Variants in SARS1 observed in about 807,000 individuals in gnomAD.
SARS1 encodes the protein serine--tRNA ligase, cytoplasmic.
Under a neutral mutation model 63.7 loss-of-function variants are expected in SARS1, and 25 were observed. The observed-to-expected ratio is 0.39, with a 90% CI of 0.29 to 0.55. SARS1 has a LOEUF of 0.55. Ranked by LOEUF, SARS1 falls within the 20% of genes least tolerant of loss-of-function variation. The probability of loss-of-function intolerance (pLI) is 0.62; values close to 1 mark genes in which losing one functional copy is unlikely to be tolerated. For synonymous variants in SARS1, 231 were observed against 243.5 expected, an observed-to-expected ratio of 0.95 and a Z score of 0.48; for missense variants, 417 against 649.7, an observed-to-expected ratio of 0.64 and a Z score of 3.89.
At chr1:109,216,563 C>G in intron 1 of SARS1, 1 of 985,050 alleles carries the variant, frequency 1.0e-6, no homozygotes, top group Non-Finnish European at 1.2e-6. Context: ...GAATTTTATC[C>G]TCCCTCAAAA....
chr1:109,224,179 G>A, intron 2 of SARS1, 131 bp downstream of exon 2: 1 of 695,174 alleles, frequency 1.4e-6, no homozygotes, highest in South Asian at 1.7e-5. Flanking sequence ...TACCAAAGGG[G>A]AAAATATTAT....
chr1:109,218,544 G>A (rs1489792802), intron 1 of SARS1, among the ~76,000 whole-genome samples: 1 of 151,856 alleles, frequency 6.6e-6, no homozygotes, highest in Non-Finnish European at 1.5e-5. Context: ...ATATTGGACA[G>A]TACAGCCTTA....
intron 1 of SARS1, among the ~76,000 whole-genome samples, chr1:109,221,993 T>C (rs1468335957): frequency 4.7e-4 from 7 of 14,856 alleles, no homozygotes; most frequent in African/African-American, 1.7e-3. Context: ...TATATATATA[T>C]ATATATATAT....
At chr1:109,236,621 G>T in intron 9 of SARS1, 73 bp downstream of exon 9, 1 of 1,550,118 alleles carries the variant, frequency 6.5e-7, no homozygotes, top group Non-Finnish European at 8.8e-7. Flanking sequence ...CTCAGCCTTT[G>T]GGGTGCACTG....
At chr1:109,216,133 G>A (rs926001863) in intron 1 of SARS1, 2 of 985,284 alleles carry the variant, frequency 2.0e-6, no homozygotes, top group East Asian at 2.3e-4. Flanking sequence ...GTAGACACTG[G>A]CAGATTTATA....
At position 109,226,725 on chromosome 1, in the gene SARS1, C is replaced by T. The variant is rs1421512143; in HGVS notation, c.208-1627C>T. ...ACACACACACACACACACACACACA[C>T]ACATATATATATATTTATTTATTTA... On this transcript the variant is annotated intron_variant, in intron 2 of 10. Transcript: ENST00000234677. 4.3e-4 allele frequency among the ~76,000 whole-genome samples: 22 copies of T among 51,454 alleles called. 1 individual carries two copies. Among genetic ancestry groups the T allele is most frequent in the African/African-American group, 1.1e-3 (21 of 18,716 alleles). The allele number at this position is 51,454 out of a possible 152,430, so 33.8% of individuals were successfully genotyped here. A position where few individuals can be genotyped will look rare whatever the true frequency, so the allele number is the denominator to read the frequency against.
intron 9 of SARS1, chr1:109,236,870 G>A: frequency 6.9e-6 from 11 of 1,597,952 alleles, no homozygotes; most frequent in Non-Finnish European, 9.4e-6. Flanking sequence ...CACCCAAGAA[G>A]GTCTGGGTTG....
chr1:109,229,389 A>T, intron 3 of SARS1, 25 bp from the exon 4 acceptor site: 4 of 1,610,688 alleles, frequency 2.5e-6, no homozygotes, highest in Non-Finnish European at 3.4e-6. Flanking sequence ...TGTCCTGCTT[A>T]TGGGCCTGGC....
At position 109,235,252 on chromosome 1, in the gene SARS1, G is replaced by T; in HGVS notation, c.790G>T (p.Asp264Tyr). 1 of 1,614,152 alleles carries T rather than the reference G, an allele frequency of 6.2e-7. No individual in the cohort carries two copies. Among genetic ancestry groups the T allele is most frequent in the Non-Finnish European group, 8.5e-7 (1 of 1,180,028 alleles). ...GSEKSDDNSY[D>Y]EKYLIATSEQ... ...TGAAAAGTCTGATGACAACTCCTATGATGAGAAGTACCTGATTGCCACCTC... is the reference window on the plus strand; with the variant it reads ...TGAAAAGTCTGATGACAACTCCTATTATGAGAAGTACCTGATTGCCACCTC... Residue 264 changes from aspartate to tyrosine, a missense_variant, in exon 7 of 11, where the codon GAT becomes TAT. By Grantham distance (160) the Asp-to-Tyr change is radical. This residue lies in a region of SARS1 where 359 missense variants were observed against 529.6 expected (regional missense o/e 0.68). Coordinates refer to ENST00000234677, the MANE Select transcript of SARS1 (RefSeq NM_006513.4). This position sits in a 1 kb window ranked among gnomAD's most constrained non-coding sequence, Gnocchi z 4.7.
Position 109,214,746 on chromosome 1 carries a change from G to T in SARS1, c.136+618G>T. On this transcript the variant is annotated intron_variant, in intron 1 of 10. Coordinates refer to ENST00000234677, the MANE Select transcript of SARS1 (RefSeq NM_006513.4). This position sits in a 1 kb window ranked among gnomAD's most constrained non-coding sequence, Gnocchi z 4.6. ...CTTTTCCGTGGTAGATCAAACGCGAGGGGAGTGAGGAGGCGAGCAAAAGAT... is the reference window on the plus strand; with the variant it reads ...CTTTTCCGTGGTAGATCAAACGCGATGGGAGTGAGGAGGCGAGCAAAAGAT... 1 of 985,468 alleles carries T rather than the reference G, an allele frequency of 1.0e-6. No individual in the cohort carries two copies. 61.0% of individuals were successfully genotyped at this position (985,468 alleles called of 1,614,324 possible).
chr1:109,229,407 T>C lies in SARS1; in HGVS notation c.289-7T>C, dbSNP rs200952306. The C allele has an allele frequency of 1.5e-5, 24 of 1,613,738 alleles. No homozygotes were observed. The highest frequency in any genetic ancestry group is 1.8e-5 in the Non-Finnish European group (21 of 1,179,810). On this transcript the variant is annotated splice_region_variant and splice_polypyrimidine_tract_variant and intron_variant, in intron 3 of 10. Coordinates refer to ENST00000234677, the MANE Select transcript of SARS1 (RefSeq NM_006513.4). ...CCTGCTTATGGGCCTGGCCTGTTCA[T>C]CTGCAGAACCTGAAAGTCTCACAAA...
At chr1:109,224,766 C>T (rs2101192074) in intron 2 of SARS1, among the ~76,000 whole-genome samples, 1 of 152,216 alleles carries the variant, frequency 6.6e-6, no homozygotes, top group East Asian at 1.9e-4. Context: ...TTTAACCTTC[C>T]TTCAAAAATA....
chr1:109,238,179 C>T lies in SARS1; in HGVS notation c.*291C>T. The T allele has an allele frequency of 8.1e-6, 3 of 371,926 alleles. No individual in the cohort carries two copies. The South Asian group carries it at 1.6e-4, about 20-fold the overall frequency. 23.0% of individuals were successfully genotyped at this position (371,926 alleles called of 1,614,324 possible). A position where few individuals can be genotyped will look rare whatever the true frequency, so the allele number is the denominator to read the frequency against. On this transcript the variant is annotated 3_prime_UTR_variant, in exon 11 of 11. Transcript: ENST00000234677. ...TTGAACCCCGCCTCTGAGGTTCTCC[C>T]TGATATACACTTCTGCTTTTCCTTC...
chr1:109,226,734 ATATATTTATT>A (rs1329394339), intron 2 of SARS1, among the ~76,000 whole-genome samples: 3 of 69,814 alleles, frequency 4.3e-5, no homozygotes, highest in South Asian at 4.2e-4. Flanking sequence ...ACACATATAT[ATATATTTATT>A]TATTTATTTA....
At chr1:109,227,888 C>T (rs1286737748) in intron 2 of SARS1, among the ~76,000 whole-genome samples, 1 of 146,182 alleles carries the variant, frequency 6.8e-6, no homozygotes, top group Non-Finnish European at 1.5e-5. Context: ...AAACTGTACT[C>T]TAGCCTGGGC....
chr1:109,223,090 A>T (rs1470828261), intron 1 of SARS1, among the ~76,000 whole-genome samples: 4 of 152,364 alleles, frequency 2.6e-5, no homozygotes, highest in Admixed American at 6.5e-5. Context: ...AAATTTTGCT[A>T]ATCAGAGTTA....
chr1:109,229,786 G>C (rs1418047255), intron 4 of SARS1, among the ~76,000 whole-genome samples: 1 of 152,202 alleles, frequency 6.6e-6, no homozygotes, highest in Non-Finnish European at 1.5e-5. Flanking sequence ...TCCTGGCACA[G>C]AAATCTCTTC....
chr1:109,224,006 G>A lies in SARS1; in HGVS notation c.165G>A (p.Lys55=), dbSNP rs1459553357. Residue 55 remains lysine, a synonymous_variant, in exon 2 of 11, where the codon AAG becomes AAA. Transcript: ENST00000234677. ...RCRFRADNLN[K]LKNLCSKTIG... ...GATTTCGGGCAGACAACTTGAACAA[G>A]CTGAAGAACCTATGCAGCAAGACAA... The A allele has an allele frequency of 2.5e-6, 4 of 1,613,688 alleles. No individual in the cohort carries two copies. In the East Asian group the frequency reaches 6.7e-5, roughly 27 times the overall value.
chr1:109,217,840 G>T lies in SARS1; in HGVS notation c.136+3712G>T, dbSNP rs1235939298. Among the ~76,000 whole-genome samples, 3 of 152,072 alleles carry T rather than the reference G, an allele frequency of 2.0e-5. No homozygotes were observed. In the South Asian group the frequency reaches 6.2e-4, roughly 31 times the overall value. ...CTCCCACACTGCTGGGATTACAGGTGTGAACCACCACGCCCAGCCCCGAAA... is the reference window on the plus strand; with the variant it reads ...CTCCCACACTGCTGGGATTACAGGTTTGAACCACCACGCCCAGCCCCGAAA... On this transcript the variant is annotated intron_variant, in intron 1 of 10. Transcript: ENST00000234677.
Sources: allele counts gnomAD v4.1 joint callset (sites outside exome capture counted in the v4.1 genomes callset), GRCh38; gene constraint gnomAD v4.1.1; regional missense constraint gnomAD v4.1.1; non-coding constraint Gnocchi (gnomAD v3.1); transcripts MANE v1.5; gene names NCBI Gene and HGNC (gene_info 2026-07-23, HGNC 2026-07-21).